RGS6: variants seen among roughly 807,000 people sequenced by gnomAD.
The protein encoded by RGS6 is regulator of G protein signaling 6.
In RGS6, 30 loss-of-function variants were observed where a neutral mutation model predicts 78.5. The ratio of observed to expected loss-of-function variants is 0.38; its 90% CI spans 0.29 to 0.52. RGS6 has a LOEUF of 0.52. RGS6 is among the 20% of genes least tolerant of loss of function. The pLI is 0.85. For synonymous variants in RGS6, 206 were observed against 206.0 expected (o/e 1.00, Z 0.00); for missense variants, 495 against 609.7 (o/e 0.81, Z 1.98).
intron 12 of RGS6, among the ~76,000 whole-genome samples, chr14:72,494,777 G>T (rs2096622618): frequency 6.6e-6 from 1 of 152,184 alleles, no homozygotes. Context: ...TGTCTTTTGT[G>T]TGTTCCAGAT....
At chr14:72,153,288 G>C (rs967277087) in intron 2 of RGS6, among the ~76,000 whole-genome samples, 1 of 152,196 alleles carries the variant, frequency 6.6e-6, no homozygotes, top group Non-Finnish European at 1.5e-5. Flanking sequence ...CAGCCTGACA[G>C]CCTCGCATTA....
intron 1 of RGS6, among the ~76,000 whole-genome samples, chr14:71,951,534 A>C (rs2092318877): frequency 6.6e-6 from 1 of 152,164 alleles, no homozygotes; most frequent in Non-Finnish European, 1.5e-5. Context: ...ACAAACCTGC[A>C]CGTCCTGCAC....
At chr14:72,260,443 G>T (rs969131198) in intron 2 of RGS6, among the ~76,000 whole-genome samples, 1 of 152,214 alleles carries the variant, frequency 6.6e-6, no homozygotes, top group Non-Finnish European at 1.5e-5. Context: ...AATAAAAGAT[G>T]TCAAAGTTGT....
At chr14:72,169,303 A>G (rs931707619) in intron 2 of RGS6, among the ~76,000 whole-genome samples, 1 of 152,224 alleles carries the variant, frequency 6.6e-6, no homozygotes, top group African/African-American at 2.4e-5. Flanking sequence ...GTTAGGGGTT[A>G]ATGTAAGCTC....
At chr14:71,981,529 T>G (rs1438234253) in intron 2 of RGS6, among the ~76,000 whole-genome samples, 2 of 151,630 alleles carry the variant, frequency 1.3e-5, no homozygotes. Context: ...GTGTGAGGTG[T>G]CAGTGTGCCC....
At chr14:72,098,222 C>G (rs2095449629) in intron 2 of RGS6, among the ~76,000 whole-genome samples, 1 of 152,196 alleles carries the variant, frequency 6.6e-6, no homozygotes, top group Admixed American at 6.5e-5. Flanking sequence ...CCTGGAGGTC[C>G]TCTTTGAACC....
intron 2 of RGS6, among the ~76,000 whole-genome samples, chr14:72,270,166 C>T (rs1360757499): frequency 6.6e-6 from 1 of 152,096 alleles, no homozygotes; most frequent in Admixed American, 6.5e-5. Flanking sequence ...GATCAAATTC[C>T]CCTATGCCAC....
At chr14:72,104,724 G>T (rs917673129) in intron 2 of RGS6, among the ~76,000 whole-genome samples, 1 of 152,228 alleles carries the variant, frequency 6.6e-6, no homozygotes, top group Non-Finnish European at 1.5e-5. Flanking sequence ...GAAGTTACCT[G>T]ACAGTGCTTG....
chr14:72,382,568 T>C (rs2086459807), intron 3 of RGS6, among the ~76,000 whole-genome samples: 2 of 152,206 alleles, frequency 1.3e-5, no homozygotes, highest in Non-Finnish European at 2.9e-5. Flanking sequence ...TACATATTTA[T>C]GACTTGGCAT....
chr14:71,877,077 A>T, the RGS6 span, among the ~76,000 whole-genome samples: 1 of 152,172 alleles, frequency 6.6e-6, no homozygotes, highest in African/African-American at 2.4e-5. Context: ...TTTGTGGGTA[A>T]CCCAACCTTT....
intron 2 of RGS6, among the ~76,000 whole-genome samples, chr14:72,200,904 G>T (rs1338483654): frequency 6.8e-6 from 1 of 146,210 alleles, no homozygotes; most frequent in African/African-American, 2.5e-5. Flanking sequence ...GAGGGGGGTT[G>T]GTATGATTTA....
At chr14:71,953,195 T>C (rs1380928276) in intron 1 of RGS6, among the ~76,000 whole-genome samples, 1 of 152,174 alleles carries the variant, frequency 6.6e-6, no homozygotes, top group Non-Finnish European at 1.5e-5. Flanking sequence ...AGGGTGGCAT[T>C]AGAACGCAAC....
intron 3 of RGS6, among the ~76,000 whole-genome samples, chr14:72,444,777 A>G (rs11626211): frequency 3.4e-3 from 45 of 13,140 alleles, no homozygotes; most frequent in South Asian, 9.9e-3. Context: ...CCCCAGGTTG[A>G]TGACCCCTGG....
At chr14:72,470,236 G>T (rs1566925294) in intron 8 of RGS6, among the ~76,000 whole-genome samples, 153 bp downstream of exon 8, 2 of 152,132 alleles carry the variant, frequency 1.3e-5, no homozygotes, top group Non-Finnish European at 2.9e-5. Context: ...AAGTCAGGAT[G>T]GATAAGTTTT....
intron 2 of RGS6, among the ~76,000 whole-genome samples, chr14:72,014,246 T>C (rs1361806306): frequency 6.6e-6 from 1 of 152,204 alleles, no homozygotes; most frequent in East Asian, 1.9e-4. Flanking sequence ...GGAATGACTT[T>C]AGTTGCTGCT....
At chr14:72,575,359 C>G in the RGS6 span, among the ~76,000 whole-genome samples, 1 of 151,994 alleles carries the variant, frequency 6.6e-6, no homozygotes, top group Non-Finnish European at 1.5e-5. Context: ...GGAGGAAGAC[C>G]CTTGAAGCTG....
At chr14:72,038,096 A>G (rs533561527) in intron 2 of RGS6, among the ~76,000 whole-genome samples, 3 of 151,290 alleles carry the variant, frequency 2.0e-5, no homozygotes, top group African/African-American at 7.3e-5. Flanking sequence ...CAGCCTCCCA[A>G]GTAGCTGGGA....
At chr14:72,268,852 T>C (rs1170531250) in intron 2 of RGS6, among the ~76,000 whole-genome samples, 1 of 152,226 alleles carries the variant, frequency 6.6e-6, no homozygotes, top group Non-Finnish European at 1.5e-5. Flanking sequence ...GGTTGAATCT[T>C]ATGACACATC....
chr14:72,508,562 C>CTTTTT (rs61097187), intron 13 of RGS6, among the ~76,000 whole-genome samples: 1,170 of 56,456 alleles, frequency 0.021, 55 homozygotes, highest in South Asian at 0.039. Flanking sequence ...ACACAAGCTC[C>CTTTTT]TTTTTTTTTT....
Sources: gnomAD v4.1 joint callset for allele counts (sites outside exome capture counted in the v4.1 genomes callset) on GRCh38, gnomAD v4.1.1 for gene constraint, MANE v1.5 for transcripts, NCBI Gene and HGNC (gene_info 2026-07-23, HGNC 2026-07-21) for gene names.